AMDHD1: variants seen among roughly 807,000 people sequenced by gnomAD.
AMDHD1 encodes the protein amidohydrolase domain containing 1.
In AMDHD1, 45 loss-of-function variants were observed where a neutral mutation model predicts 44.1. The ratio of observed to expected loss-of-function variants is 1.02; its 90% CI spans 0.80 to 1.31. AMDHD1 has a LOEUF of 1.31. Ranked by LOEUF, AMDHD1 falls within the 50% of genes most tolerant of loss-of-function variation. The pLI is 0.00. For missense variants in AMDHD1, 586 were observed against 552.1 expected, an observed-to-expected ratio of 1.06 and a Z score of -0.61; for synonymous variants, 206 against 205.0, an observed-to-expected ratio of 1.00 and a Z score of -0.04.
intron 1 of AMDHD1, 97 bp downstream of exon 1, chr12:95,943,632 C>T (rs2080477238): frequency 2.2e-6 from 3 of 1,349,516 alleles, no homozygotes; most frequent in African/African-American, 1.5e-5. Context: ...GCCGTGAAAG[C>T]GTCCCTGCAC....
intron 5 of AMDHD1, among the ~76,000 whole-genome samples, chr12:95,960,877 C>T (rs186276083): frequency 2.0e-5 from 3 of 152,204 alleles, no homozygotes; most frequent in African/African-American, 7.2e-5. Context: ...ATTGGCTGGG[C>T]GCGGTAGCTC....
chr12:95,963,940 A>G (rs1038764819), intron 6 of AMDHD1, among the ~76,000 whole-genome samples: 1 of 151,568 alleles, frequency 6.6e-6, no homozygotes, highest in Non-Finnish European at 1.5e-5. Flanking sequence ...GAGGCAGGAG[A>G]ATCCCTTGAA....
At chr12:95,949,908 A>T (rs2080518795) in intron 1 of AMDHD1, among the ~76,000 whole-genome samples, 1 of 152,212 alleles carries the variant, frequency 6.6e-6, no homozygotes, top group African/African-American at 2.4e-5. Context: ...ACATCCACAG[A>T]TGAATGAGAG....
At chr12:95,963,428 T>C (rs1565979340) in intron 6 of AMDHD1, among the ~76,000 whole-genome samples, 3 of 152,194 alleles carry the variant, frequency 2.0e-5, no homozygotes, top group Admixed American at 6.5e-5. Context: ...AGACATGAAT[T>C]GTACTGAGGT....
chr12:95,965,298 C>CAAAA (rs34398121), intron 6 of AMDHD1, among the ~76,000 whole-genome samples: 10 of 94,796 alleles, frequency 1.1e-4, no homozygotes, highest in East Asian at 3.1e-4. Flanking sequence ...GATTCCATCT[C>CAAAA]AAAAAAAAAA....
At chr12:95,947,763 G>T (rs1189437722) in intron 1 of AMDHD1, among the ~76,000 whole-genome samples, 1 of 81,280 alleles carries the variant, frequency 1.2e-5, no homozygotes, top group Non-Finnish European at 2.4e-5. Flanking sequence ...GGAGGGAGGT[G>T]GGGGGGTCAG....
At chr12:95,949,140 TA>T (rs1170844527) in intron 1 of AMDHD1, among the ~76,000 whole-genome samples, 390 of 4,460 alleles carry the variant, frequency 0.087, 30 homozygotes, top group African/African-American at 0.15. Context: ...AAAAATAAAT[TA>T]AAAAAAAAAA....
chr12:95,957,004 T>A, intron 4 of AMDHD1, 42 bp downstream of exon 4: 1 of 1,605,666 alleles, frequency 6.2e-7, no homozygotes, highest in South Asian at 1.1e-5. Context: ...CTCAGAGCAT[T>A]GAAAACGAAC....
At chr12:95,944,405 A>AT (rs1041420055) in intron 1 of AMDHD1, among the ~76,000 whole-genome samples, 1 of 150,760 alleles carries the variant, frequency 6.6e-6, no homozygotes, top group South Asian at 2.1e-4. Context: ...CGCCCAGCCT[A>AT]TTTTTTGTTT....
rs754650753 is a variant in AMDHD1, at chr12:95,965,667, A to G, written c.939-19A>G. On this transcript the variant is annotated intron_variant, in intron 6 of 8. Transcript: ENST00000266736. ...AAGCTCCCATTCTAGAGACTGACATATTTTTTTCCTCCCCTTAGACTGAAA... is the reference window on the plus strand; with the variant it reads ...AAGCTCCCATTCTAGAGACTGACATGTTTTTTTCCTCCCCTTAGACTGAAA... 14 of 1,578,844 alleles carry G rather than the reference A, an allele frequency of 8.9e-6. No individual in the cohort carries two copies. The highest frequency in any genetic ancestry group is 2.7e-5 in the African/African-American group (2 of 73,806).
chr12:95,953,422 C>T (rs1184638217), intron 2 of AMDHD1, among the ~76,000 whole-genome samples: 1 of 152,204 alleles, frequency 6.6e-6, no homozygotes, highest in Non-Finnish European at 1.5e-5. Flanking sequence ...TCATCTCCTA[C>T]ATTATGTTGT....
intron 2 of AMDHD1, 91 bp from the exon 3 acceptor site, chr12:95,954,820 C>A: frequency 1.7e-6 from 2 of 1,197,144 alleles, no homozygotes; most frequent in South Asian, 1.3e-5. Flanking sequence ...CACACTTTCC[C>A]CAGAGCAGCA....
At chr12:95,953,305 A>ACAAAGGATC (rs1450783629) in intron 2 of AMDHD1, among the ~76,000 whole-genome samples, 16 of 152,220 alleles carry the variant, frequency 1.1e-4, no homozygotes, top group Non-Finnish European at 1.5e-5. Context: ...AGGATGTGAA[A>ACAAAGGATC]CAAAGGATCC....
In AMDHD1 at chr12:95,956,940, T is replaced by C. The variant is rs202062590; in HGVS notation, c.565T>C (p.Cys189Arg). The stretch of plus-strand genomic sequence containing the variant: ...GGACATCGGCATCTCGGCTACCTAC[T>C]GCGGGGCTCATTCAGTGCCTAAGTA... Reference protein sequence around the residue: ...ELDIGISATYCGAHSVPKGKT... With the variant: ...ELDIGISATYRGAHSVPKGKT... The change falls in exon 4 of 9, where the codon TGC becomes CGC. Residue 189 changes from cysteine (C) to arginine (R), a missense_variant. Coordinates refer to ENST00000266736, the MANE Select transcript of AMDHD1 (RefSeq NM_152435.3). The C allele has an allele frequency of 6.2e-7, 1 of 1,612,386 alleles. No individual in the cohort carries two copies. Among genetic ancestry groups the C allele is most frequent in the East Asian group, 2.2e-5 (1 of 44,888 alleles).
intron 1 of AMDHD1, among the ~76,000 whole-genome samples, chr12:95,945,882 G>C (rs11836761): frequency 1.8e-4 from 28 of 152,008 alleles, no homozygotes; most frequent in African/African-American, 6.8e-4. Flanking sequence ...ATATGCTATA[G>C]ATATATAAAA....
At chr12:95,955,561 A>G (rs2136763979) in intron 3 of AMDHD1, among the ~76,000 whole-genome samples, 1 of 152,344 alleles carries the variant, frequency 6.6e-6, no homozygotes, top group East Asian at 1.9e-4. Flanking sequence ...CTGCTTCAAC[A>G]AACTAGAGCT....
chr12:95,967,893 G>A lies in AMDHD1; in HGVS notation c.*50G>A, dbSNP rs192380564. The A allele has an allele frequency of 5.4e-4, 663 of 1,235,620 alleles. 5 individuals carry two copies. The African/African-American group carries it at 8.7e-3, about 16-fold the overall frequency. The allele number at this position is 1,235,620 out of a possible 1,614,324, so 76.5% of individuals were successfully genotyped here. Reference sequence around the variant, plus strand: ...TGACTATATGAAATAAGTCAATATAGTTATATTAAAAGTTAAAACACCTTA... The same window carrying A: ...TGACTATATGAAATAAGTCAATATAATTATATTAAAAGTTAAAACACCTTA... On this transcript the variant is annotated 3_prime_UTR_variant, in exon 9 of 9. Transcript: ENST00000266736.
At chr12:95,948,324 C>T (rs1345395493) in intron 1 of AMDHD1, among the ~76,000 whole-genome samples, 3 of 85,200 alleles carry the variant, frequency 3.5e-5, no homozygotes, top group Non-Finnish European at 6.9e-5. Flanking sequence ...GGGGTCAGCC[C>T]CCCACCCGGC....
chr12:95,945,372 A>T (rs950033227), intron 1 of AMDHD1, among the ~76,000 whole-genome samples: 6 of 152,218 alleles, frequency 3.9e-5, no homozygotes, highest in Non-Finnish European at 5.9e-5. Flanking sequence ...GAACTTTGCC[A>T]TTCAAATATG....
Sources: gnomAD v4.1 joint callset for allele counts (sites outside exome capture counted in the v4.1 genomes callset) on GRCh38, gnomAD v4.1.1 for gene constraint, MANE v1.5 for transcripts, NCBI Gene and HGNC (gene_info 2026-07-23, HGNC 2026-07-21) for gene names.